Variants in COL4A5 observed in about 807,000 individuals in gnomAD.
The protein encoded by COL4A5 is collagen alpha-5(IV) chain.
Under a neutral mutation model 130.2 loss-of-function variants are expected in COL4A5, and 26 were observed. The observed-to-expected ratio is 0.20, with a 90% CI of 0.15 to 0.28. The LOEUF is 0.28. COL4A5 is among the 10% of genes least tolerant of loss of function. The pLI is 1.00. For missense variants in COL4A5, 1,131 were observed against 1,344.3 expected, an observed-to-expected ratio of 0.84 and a Z score of 2.48; for synonymous variants, 496 against 439.6, an observed-to-expected ratio of 1.13 and a Z score of -1.60.
intron 34 of COL4A5, among the ~76,000 whole-genome samples, chrX:108,624,897 T>C (rs1018690631): frequency 9.0e-6 from 1 of 111,270 alleles, no homozygotes; most frequent in African/African-American, 3.3e-5. Flanking sequence ...CACTTTCTTT[T>C]AGTTTGTTTC....
chrX:108,673,460 G>A (rs1324158463), intron 42 of COL4A5, among the ~76,000 whole-genome samples: 3 of 110,953 alleles, frequency 2.7e-5, no homozygotes, highest in Admixed American at 9.6e-5. Flanking sequence ...ACCAAGGGGT[G>A]CTCTATTTGT....
intron 2 of COL4A5, among the ~76,000 whole-genome samples, chrX:108,547,509 G>T (rs980057793): frequency 1.8e-5 from 2 of 111,910 alleles, no homozygotes; most frequent in Admixed American, 9.5e-5. Flanking sequence ...TGAGGTGTCA[G>T]TCTGCCCCTA....
At chrX:108,564,307 G>A in intron 4 of COL4A5, among the ~76,000 whole-genome samples, 1 of 111,463 alleles carries the variant, frequency 9.0e-6, no homozygotes, top group Non-Finnish European at 1.9e-5. Context: ...GGTTACCTCA[G>A]GCTGTGTATC....
intron 33 of COL4A5, among the ~76,000 whole-genome samples, chrX:108,623,157 T>C (rs1382705009): frequency 1.8e-5 from 2 of 111,825 alleles, no homozygotes; most frequent in East Asian, 5.6e-4. Flanking sequence ...CAAATTTCAG[T>C]GTTTAGGAAA....
At chrX:108,668,183 G>A in intron 40 of COL4A5, 136 bp from the exon 41 acceptor site, 1 of 555,995 alleles carries the variant, frequency 1.8e-6, no homozygotes, top group East Asian at 3.6e-5. Flanking sequence ...TTTCTGGGTA[G>A]ATTTGGGATT....
intron 40 of COL4A5, among the ~76,000 whole-genome samples, chrX:108,667,740 G>A (rs1259285660): frequency 9.0e-6 from 1 of 110,581 alleles, no homozygotes; most frequent in Non-Finnish European, 1.9e-5. Flanking sequence ...CATATCTCCT[G>A]TAAAGTCAAA....
At chrX:108,623,129 C>A (rs1417930496) in intron 33 of COL4A5, among the ~76,000 whole-genome samples, 1 of 111,894 alleles carries the variant, frequency 8.9e-6, no homozygotes, top group East Asian at 2.8e-4. Context: ...GGATATATAG[C>A]CACAATTACT....
rs367679870 is a variant in COL4A5, at chrX:108,571,790, C to A, written c.439-21C>A. The A allele has an allele frequency of 1.2e-5, 13 of 1,125,609 alleles. No individual in the cohort carries two copies. The African/African-American group carries it at 2.2e-4, about 19-fold the overall frequency. The allele number at this position is 1,125,609 out of a possible 1,213,427, so 92.8% of individuals were successfully genotyped here. On this transcript the variant is annotated intron_variant, in intron 7 of 52. Transcript: ENST00000328300. ...TTCTCTCTCATACATATAAAATAATCCCTTTTCTTTTTAATAATAGGGACC... is the reference window on the plus strand; with the variant it reads ...TTCTCTCTCATACATATAAAATAATACCTTTTCTTTTTAATAATAGGGACC...
rs2068417527 is a variant in COL4A5 at position 108,681,060 on chromosome X, C to T, written c.4087+104C>T. On this transcript the variant is annotated intron_variant, in intron 46 of 52. Coordinates refer to ENST00000328300, the MANE Select transcript of COL4A5 (RefSeq NM_033380.3). The stretch of plus-strand genomic sequence containing the variant: ...AGCCAGACCATCGGAGGCTAAGTCC[C>T]CAACAACTGAGGCAAAATAAACAAG... 3 of 680,578 alleles carry T rather than the reference C, an allele frequency of 4.4e-6. No homozygotes were observed. The South Asian group carries it at 7.2e-5, about 16-fold the overall frequency. The allele number at this position is 680,578 out of a possible 1,213,427, so 56.1% of individuals were successfully genotyped here.
At chrX:108,546,929 G>T (rs916921621) in intron 2 of COL4A5, among the ~76,000 whole-genome samples, 1 of 112,075 alleles carries the variant, frequency 8.9e-6, no homozygotes, top group Non-Finnish European at 1.9e-5. Flanking sequence ...CATTCATCAC[G>T]TAGTTCTCGT....
At chrX:108,693,616 G>A (rs189487903) in intron 50 of COL4A5, 2 of 112,940 alleles carry the variant, frequency 1.8e-5, no homozygotes, top group East Asian at 5.6e-4. Context: ...GGATAGTCTC[G>A]AGGTAGAGAG....
At chrX:108,568,402 A>G (rs1167482459) in intron 4 of COL4A5, among the ~76,000 whole-genome samples, 3 of 111,811 alleles carry the variant, frequency 2.7e-5, no homozygotes, top group African/African-American at 6.5e-5. Flanking sequence ...AATGAAGACA[A>G]TGCTCCCTCA....
At chrX:108,607,183 A>G (rs1427742578) in intron 29 of COL4A5, among the ~76,000 whole-genome samples, 1 of 109,810 alleles carries the variant, frequency 9.1e-6, no homozygotes, top group Non-Finnish European at 1.9e-5. Flanking sequence ...CCTGGCCAAC[A>G]TGGCGAAACC....
chrX:108,577,857 G>A, intron 10 of COL4A5, 95 bp from the exon 11 acceptor site: 2 of 708,814 alleles, frequency 2.8e-6, no homozygotes, highest in South Asian at 5.6e-5. Context: ...ATTTTGATGG[G>A]CTTTTTCACA....
intron 20 of COL4A5, 80 bp from the exon 21 acceptor site, chrX:108,591,481 T>A (rs1281152446): frequency 2.3e-6 from 2 of 852,278 alleles, no homozygotes; most frequent in Non-Finnish European, 3.5e-6. Flanking sequence ...TAGGTCTTTT[T>A]CTGGCTTGTC....
At chrX:108,680,625 C>G in intron 44 of COL4A5, 54 bp from the exon 45 acceptor site, 110 of 976,238 alleles carry the variant, frequency 1.1e-4, no homozygotes, top group Middle Eastern at 3.5e-4. Flanking sequence ...CCCTCAATCA[C>G]CTTCCTCCCC....
chrX:108,550,457 T>C (rs771375353), intron 2 of COL4A5, among the ~76,000 whole-genome samples: 21 of 112,121 alleles, frequency 1.9e-4, no homozygotes, highest in African/African-American at 6.5e-4. Flanking sequence ...AATAATTATC[T>C]TAATCGATAA....
chrX:108,534,962 CTCTT>C (rs2065436616), intron 1 of COL4A5, among the ~76,000 whole-genome samples: 1 of 110,695 alleles, frequency 9.0e-6, no homozygotes, highest in African/African-American at 3.3e-5. Flanking sequence ...TTCTTCCTCA[CTCTT>C]TCTTCCATGT....
chrX:108,463,711 C>T (rs1194035958), intron 1 of COL4A5, among the ~76,000 whole-genome samples: 1 of 111,588 alleles, frequency 9.0e-6, no homozygotes, highest in Non-Finnish European at 1.9e-5. Flanking sequence ...TATTCCACTT[C>T]TCCACATTGT....
Sources: gnomAD v4.1 joint callset for allele counts (sites outside exome capture counted in the v4.1 genomes callset) on GRCh38, gnomAD v4.1.1 for gene constraint, MANE v1.5 for transcripts, NCBI Gene and HGNC (gene_info 2026-07-23, HGNC 2026-07-21) for gene names.